The following CYRIA variants were observed in gnomAD, a reference collection of about 807,000 sequenced individuals.
CYRIA encodes the protein CYFIP-related Rac1 interactor A.
CYRIA carries 15 observed loss-of-function variants against 43.9 expected under a neutral mutation model. The ratio of observed to expected loss-of-function variants is 0.34; its 90% CI spans 0.23 to 0.53. The LOEUF (loss-of-function observed/expected upper bound fraction) is 0.53. Ranked by LOEUF, CYRIA falls within the 20% of genes least tolerant of loss-of-function variation. The pLI, the probability that CYRIA is intolerant of heterozygous loss-of-function variation, is 0.94. For missense variants in CYRIA, 236 were observed against 394.2 expected (o/e 0.60, Z 3.40); for synonymous variants, 117 against 136.0 (o/e 0.86, Z 0.97).
intron 1 of CYRIA, among the ~76,000 whole-genome samples, chr2:16,644,530 A>G (rs897864107): frequency 2.5e-4 from 38 of 152,190 alleles, no homozygotes; most frequent in African/African-American, 9.2e-4. Context: ...CATCTGTCAC[A>G]CTGTTGCTGG....
At chr2:16,615,679 G>C (rs60129621) in intron 2 of CYRIA, among the ~76,000 whole-genome samples, 3,473 of 152,272 alleles carry the variant, frequency 0.023, 132 homozygotes, top group African/African-American at 0.076. Context: ...AAATTTCCAA[G>C]GTTCAACTCT....
At chr2:16,640,285 C>T (rs1459312439) in intron 1 of CYRIA, among the ~76,000 whole-genome samples, 1 of 152,204 alleles carries the variant, frequency 6.6e-6, no homozygotes, top group Non-Finnish European at 1.5e-5. Flanking sequence ...GCTCTTCCCC[C>T]TGCACTGCCA....
At chr2:16,556,038 C>T (rs900978480) in intron 10 of CYRIA, among the ~76,000 whole-genome samples, 3 of 152,070 alleles carry the variant, frequency 2.0e-5, no homozygotes, top group Non-Finnish European at 2.9e-5. Flanking sequence ...TATGCATATC[C>T]TGGAGTGTTT....
At chr2:16,614,499 G>C (rs1194704674) in intron 2 of CYRIA, among the ~76,000 whole-genome samples, 5 of 152,294 alleles carry the variant, frequency 3.3e-5, no homozygotes, top group South Asian at 2.1e-4. Flanking sequence ...TGCTGTCTGT[G>C]GCCACACAGT....
intron 2 of CYRIA, among the ~76,000 whole-genome samples, chr2:16,592,132 C>G (rs1667954110): frequency 6.6e-6 from 1 of 152,034 alleles, no homozygotes; most frequent in Non-Finnish European, 1.5e-5. Flanking sequence ...ACTTTTTGAG[C>G]ACTGACATGA....
At chr2:16,586,799 T>C (rs1667745042) in intron 3 of CYRIA, among the ~76,000 whole-genome samples, 2 of 152,042 alleles carry the variant, frequency 1.3e-5, no homozygotes, top group Non-Finnish European at 2.9e-5. Context: ...CGATAAAATA[T>C]TTGAAAAATT....
In CYRIA at chr2:16,572,831, A is replaced by G. The variant is rs543022383; in HGVS notation, c.71-7064T>C. ...TTTTCAGCCACTGTCTTCAAGAAAC[A>G]TTTCTTTAGTCAAATCCAGAACTTG... On this transcript the variant is annotated intron_variant, in intron 3 of 11. Coordinates refer to ENST00000381323, the MANE Select transcript of CYRIA (RefSeq NM_030797.4). Among the ~76,000 whole-genome samples the G allele has an allele frequency of 2.2e-4, 33 of 151,152 alleles. No individual in the cohort carries two copies. In the East Asian group the frequency reaches 6.2e-3, roughly 28 times the overall value.
chr2:16,555,082 G>C lies in CYRIA; in HGVS notation c.895C>G (p.Leu299Val). The change falls in exon 11 of 12, where the codon CTA (leucine) becomes GTA (valine). Residue 299 changes from leucine (L) to valine (V), a missense_variant. Leu to Val is a conservative substitution (Grantham distance 32). Transcript: ENST00000381323. ...EQAPDSVEGL[L>V]NALRFTTKHL... ...GTTGAAGCTCACCTGAGGGCATTTAGCAGCCCCTCCACACTGTCTGGGGCC... is the reference window on the plus strand; with the variant it reads ...GTTGAAGCTCACCTGAGGGCATTTACCAGCCCCTCCACACTGTCTGGGGCC... The C allele has an allele frequency of 6.2e-7, 1 of 1,613,126 alleles. No homozygotes were observed. Among genetic ancestry groups the C allele is most frequent in the South Asian group, 1.1e-5 (1 of 91,044 alleles).
intron 2 of CYRIA, among the ~76,000 whole-genome samples, chr2:16,622,460 G>C (rs1329620713): frequency 1.3e-5 from 2 of 152,156 alleles, no homozygotes; most frequent in African/African-American, 4.8e-5. Flanking sequence ...TTAGGCACAA[G>C]GCTCAAATGA....
At chr2:16,659,669 G>C (rs1670197379) in intron 1 of CYRIA, among the ~76,000 whole-genome samples, 1 of 152,208 alleles carries the variant, frequency 6.6e-6, no homozygotes, top group Non-Finnish European at 1.5e-5. Context: ...GGAAAGGCCT[G>C]CATCTGGTTG....
intron 2 of CYRIA, among the ~76,000 whole-genome samples, chr2:16,611,029 C>T (rs1668581003): frequency 6.6e-6 from 1 of 150,866 alleles, no homozygotes; most frequent in South Asian, 2.1e-4. Context: ...ATCAATCCAT[C>T]CCCTGTATCT....
At chr2:16,566,750 G>A (rs1666946617) in intron 3 of CYRIA, among the ~76,000 whole-genome samples, 1 of 152,166 alleles carries the variant, frequency 6.6e-6, no homozygotes, top group Non-Finnish European at 1.5e-5. Context: ...TTGTTCCCGT[G>A]AGCATTTCAT....
chr2:16,604,495 T>C (rs1159532257), intron 2 of CYRIA, among the ~76,000 whole-genome samples: 1 of 152,230 alleles, frequency 6.6e-6, no homozygotes, highest in Non-Finnish European at 1.5e-5. Context: ...ACACGCTTTC[T>C]CCTGGTCACC....
chr2:16,658,698 C>T (rs926409278), intron 1 of CYRIA, among the ~76,000 whole-genome samples: 1 of 152,122 alleles, frequency 6.6e-6, no homozygotes, highest in African/African-American at 2.4e-5. Context: ...CTTTCCTTTC[C>T]TTTTTTTCTT....
chr2:16,561,017 C>T lies in CYRIA; in HGVS notation c.683G>A (p.Ser228Asn), dbSNP rs569533611. The T allele has an allele frequency of 6.2e-7, 1 of 1,613,650 alleles. No individual in the cohort carries two copies. Among genetic ancestry groups the T allele is most frequent in the East Asian group, 2.2e-5 (1 of 44,880 alleles). ...AGTTTCCAGCATGACTTTACAGACA[C>T]TTGTCATTGTGCTGAGGCAGTCTGT... is the stretch of plus-strand genomic sequence containing the variant. ...NTTDCLSTMT[S>N]VCKVMLETPE... Residue 228 changes from serine (S) to asparagine (N), a missense_variant, in exon 9 of 12, where the codon AGT becomes AAT. Transcript: ENST00000381323.
At chr2:16,585,488 T>C (rs1242228490) in intron 3 of CYRIA, among the ~76,000 whole-genome samples, 1 of 152,180 alleles carries the variant, frequency 6.6e-6, no homozygotes, top group Admixed American at 6.5e-5. Flanking sequence ...ATAGGACTGA[T>C]GAGAAAATAA....
chr2:16,639,040 C>T (rs1669595273), intron 1 of CYRIA, among the ~76,000 whole-genome samples: 1 of 152,190 alleles, frequency 6.6e-6, no homozygotes, highest in Non-Finnish European at 1.5e-5. Flanking sequence ...CAGAAAATCT[C>T]AGAACTTTAA....
At position 16,562,644 on chromosome 2, in the gene CYRIA, C is replaced by T. The variant is rs141986011; in HGVS notation, c.299-503G>A. On this transcript the variant is annotated intron_variant, in intron 5 of 11. Coordinates refer to ENST00000381323, the MANE Select transcript of CYRIA (RefSeq NM_030797.4). ...TGCCCTATCTACCTCCATTATTTTT[C>T]TTGCAACAGTTTCACCACTCCCACT... is the stretch of plus-strand genomic sequence containing the variant. Among the ~76,000 whole-genome samples the T allele has an allele frequency of 2.6e-5, 4 of 152,098 alleles. No homozygotes were observed. In the South Asian group the frequency reaches 8.3e-4, roughly 32 times the overall value.
Position 16,629,301 on chromosome 2 carries a change from T to C in CYRIA, c.-166-5282A>G, listed in dbSNP as rs754686844. Among the ~76,000 whole-genome samples, 41 of 152,192 alleles carry C rather than the reference T, an allele frequency of 2.7e-4. 1 individual carries two copies. The highest frequency in any genetic ancestry group is 5.4e-4 in the Non-Finnish European group (37 of 68,028). On this transcript the variant is annotated intron_variant, in intron 1 of 11. Coordinates refer to ENST00000381323, the MANE Select transcript of CYRIA (RefSeq NM_030797.4). ...TGGTGAGAGATCCTCCCTTTTCCCC[T>C]GACTGGGCCTAGTGGGGAAGGAGGT...
Sources: allele counts gnomAD v4.1 joint callset (sites outside exome capture counted in the v4.1 genomes callset), GRCh38; gene constraint gnomAD v4.1.1; transcripts MANE v1.5; gene names NCBI Gene and HGNC (gene_info 2026-07-23, HGNC 2026-07-21).